The following CUL1 variants were observed in gnomAD, a reference collection of about 807,000 sequenced individuals.
The protein encoded by CUL1 is cullin-1.
In CUL1, 24 loss-of-function variants were observed where a neutral mutation model predicts 118.0. The ratio of observed to expected loss-of-function variants is 0.20; its 90% CI spans 0.15 to 0.29. CUL1 has a LOEUF of 0.29. Among genes scored for constraint, CUL1 ranks in the 10% least tolerant of loss-of-function variants. CUL1 has a pLI of 1.00. For missense variants in CUL1, 361 were observed against 933.8 expected, an observed-to-expected ratio of 0.39 and a Z score of 7.99; for synonymous variants, 332 against 340.4, an observed-to-expected ratio of 0.98 and a Z score of 0.27.
At chr7:148,723,388 G>A (rs1178925202) in intron 1 of CUL1, among the ~76,000 whole-genome samples, 1 of 152,136 alleles carries the variant, frequency 6.6e-6, no homozygotes, top group Non-Finnish European at 1.5e-5. Flanking sequence ...AGCTGCTTGG[G>A]ATGATTCACA....
chr7:148,737,928 T>C (rs1051388560), intron 2 of CUL1, among the ~76,000 whole-genome samples: 4 of 152,148 alleles, frequency 2.6e-5, no homozygotes, highest in Non-Finnish European at 4.4e-5. Flanking sequence ...ATAAAACTTT[T>C]AGTGCAGAGT....
chr7:148,725,219 G>GCGCGCGCACACACACACACACACACA, intron 1 of CUL1, among the ~76,000 whole-genome samples: 12 of 140,054 alleles, frequency 8.6e-5, no homozygotes, highest in South Asian at 2.4e-4. Flanking sequence ...ACACGCGCGC[G>GCGCGCGCACACACACACACACACACA]CTCACACACA....
At chr7:148,790,765 A>G (rs953689945) in intron 16 of CUL1, among the ~76,000 whole-genome samples, 10 of 152,240 alleles carry the variant, frequency 6.6e-5, no homozygotes, top group Admixed American at 2.0e-4. Context: ...GACACACATC[A>G]GCTGTTCAGG....
chr7:148,772,667 T>C (rs888777999), intron 9 of CUL1, among the ~76,000 whole-genome samples: 15 of 152,344 alleles, frequency 9.8e-5, no homozygotes, highest in African/African-American at 3.6e-4. Context: ...CACATCTCCG[T>C]GACCTCATCT....
chr7:148,744,435 TGTGA>T (rs1799244872), intron 2 of CUL1, among the ~76,000 whole-genome samples: 1 of 137,918 alleles, frequency 7.3e-6, no homozygotes. Flanking sequence ...TGTGTGTGTG[TGTGA>T]AAGAGAAGAA....
chr7:148,786,530 G>A, intron 11 of CUL1, 21 bp from the exon 12 acceptor site: 2 of 1,599,116 alleles, frequency 1.3e-6, no homozygotes, highest in African/African-American at 1.3e-5. Context: ...TTAAAACATG[G>A]TATCTTTTTA....
chr7:148,739,897 T>C (rs1799085759), intron 2 of CUL1, among the ~76,000 whole-genome samples: 1 of 152,188 alleles, frequency 6.6e-6, no homozygotes, highest in Admixed American at 6.5e-5. Flanking sequence ...CTTTTGTATA[T>C]GGTGTACAGT....
rs1797650044 is a variant in CUL1 at position 148,699,601 on chromosome 7, T to TGCCCGCGGCTCTCGGGTTCCCC, written c.-162+576_-162+597dup. On this transcript the variant is annotated intron_variant, in intron 1 of 21. Coordinates refer to ENST00000325222, the MANE Select transcript of CUL1 (RefSeq NM_003592.3). ...CGGGCTCTCTCGCTTTCCGGTTCCCTGCCCGCGGCTCTCGGGTTCCCCGCC... is the reference window on the plus strand; with the variant it reads ...CGGGCTCTCTCGCTTTCCGGTTCCCTGCCCGCGGCTCTCGGGTTCCCCGCCCGCGGCTCTCGGGTTCCCCGCC... 2.0e-5 allele frequency among the ~76,000 whole-genome samples: 3 copies of TGCCCGCGGCTCTCGGGTTCCCC among 152,298 alleles called. No homozygotes were observed. In the South Asian group the frequency reaches 6.2e-4, roughly 32 times the overall value.
At chr7:148,726,290 A>G (rs1798580880) in intron 1 of CUL1, among the ~76,000 whole-genome samples, 1 of 152,234 alleles carries the variant, frequency 6.6e-6, no homozygotes, top group Non-Finnish European at 1.5e-5. Context: ...TATTTGGTAT[A>G]TTTTAACTTT....
chr7:148,759,832 G>A (rs971752451), intron 6 of CUL1, among the ~76,000 whole-genome samples, 194 bp downstream of exon 6: 3 of 152,058 alleles, frequency 2.0e-5, no homozygotes, highest in Non-Finnish European at 2.9e-5. Context: ...TGTTTGATCC[G>A]TGTGCCTTAA....
At chr7:148,757,913 C>T (rs1367286242) in intron 4 of CUL1, among the ~76,000 whole-genome samples, 1 of 152,174 alleles carries the variant, frequency 6.6e-6, no homozygotes. Context: ...GGGGAACCAC[C>T]CCCATGATTC....
chr7:148,797,134 G>A (rs1383685348), intron 17 of CUL1, among the ~76,000 whole-genome samples: 3 of 152,094 alleles, frequency 2.0e-5, no homozygotes, highest in African/African-American at 7.2e-5. Context: ...GTGCATCAAA[G>A]GCAAGTTGAC....
At chr7:148,774,941 C>T (rs1800349029) in intron 9 of CUL1, among the ~76,000 whole-genome samples, 1 of 152,192 alleles carries the variant, frequency 6.6e-6, no homozygotes, top group South Asian at 2.1e-4. Context: ...AAAGGCAGCA[C>T]ATCAGATAGA....
At chr7:148,772,563 C>T (rs915907472) in intron 9 of CUL1, among the ~76,000 whole-genome samples, 1 of 152,154 alleles carries the variant, frequency 6.6e-6, no homozygotes, top group East Asian at 1.9e-4. Flanking sequence ...AAACTGAAAT[C>T]GTTGTTTCAT....
chr7:148,734,706 A>T (rs1798882442), intron 2 of CUL1, among the ~76,000 whole-genome samples: 1 of 152,182 alleles, frequency 6.6e-6, no homozygotes, highest in Non-Finnish European at 1.5e-5. Context: ...GAACACAAAC[A>T]TGGGTGCTGG....
chr7:148,768,573 C>A (rs1563163972), intron 9 of CUL1, among the ~76,000 whole-genome samples: 1 of 151,782 alleles, frequency 6.6e-6, no homozygotes, highest in African/African-American at 2.4e-5. Context: ...TTAGTAGAGA[C>A]AGGGTTTCGC....
intron 21 of CUL1, among the ~76,000 whole-genome samples, chr7:148,799,632 G>T (rs1254183556): frequency 6.6e-6 from 1 of 152,218 alleles, no homozygotes; most frequent in African/African-American, 2.4e-5. Context: ...ACCCAGGTAA[G>T]AATTGAAACA....
intron 1 of CUL1, among the ~76,000 whole-genome samples, chr7:148,710,494 G>C (rs1458419016): frequency 6.6e-6 from 1 of 152,250 alleles, no homozygotes; most frequent in African/African-American, 2.4e-5. Context: ...GCTTGAACCC[G>C]GGAGGCGGAG....
chr7:148,773,491 C>T (rs892850895), intron 9 of CUL1, among the ~76,000 whole-genome samples: 2 of 152,300 alleles, frequency 1.3e-5, no homozygotes, highest in East Asian at 1.9e-4. Flanking sequence ...TGTCACTGCA[C>T]CATGGGTGGT....
Sources: allele counts gnomAD v4.1 joint callset (sites outside exome capture counted in the v4.1 genomes callset), GRCh38; gene constraint gnomAD v4.1.1; transcripts MANE v1.5; gene names NCBI Gene and HGNC (gene_info 2026-07-23, HGNC 2026-07-21).